NUP43: variants seen among roughly 807,000 people sequenced by gnomAD.
NUP43 encodes nucleoporin 43, also known as nucleoporin Nup43.
In NUP43, 32 loss-of-function variants were observed where a neutral mutation model predicts 47.3. The ratio of observed to expected loss-of-function variants is 0.68; its 90% CI spans 0.51 to 0.91. The LOEUF is 0.91. NUP43 is among the 40% of genes least tolerant of loss of function. The probability of loss-of-function intolerance (pLI) is 0.00; values close to 1 mark genes in which losing one functional copy is unlikely to be tolerated. For synonymous variants in NUP43, 147 were observed against 158.4 expected (o/e 0.93, Z 0.54); for missense variants, 444 against 453.9 (o/e 0.98, Z 0.20).
At chr6:149,731,858 G>T in intron 6 of NUP43, 123 bp from the exon 7 acceptor site, 2 of 991,936 alleles carry the variant, frequency 2.0e-6, no homozygotes, top group Non-Finnish European at 3.0e-6. Flanking sequence ...CCTCAAGTCT[G>T]TCCTAAAAAT....
intron 7 of NUP43, 96 bp from the exon 8 acceptor site, chr6:149,727,294 C>T: frequency 1.4e-6 from 2 of 1,470,230 alleles, no homozygotes; most frequent in East Asian, 2.5e-5. Flanking sequence ...GTGATGATAT[C>T]AATGTGTTTA....
At position 149,726,665 on chromosome 6, in the gene NUP43, A is replaced by T. The variant is rs1378713734; in HGVS notation, c.*304T>A. 2.8e-6 allele frequency: 1 copy of T among 355,822 alleles called. No individual in the cohort carries two copies. Among genetic ancestry groups the T allele is most frequent in the African/African-American group, 2.1e-5 (1 of 48,362 alleles). The allele number at this position is 355,822 out of a possible 1,614,324, so 22.0% of individuals were successfully genotyped here. A position where few individuals can be genotyped will look rare whatever the true frequency, so the allele number is the denominator to read the frequency against. On this transcript the variant is annotated 3_prime_UTR_variant, in exon 8 of 8. Coordinates refer to ENST00000340413, the MANE Select transcript of NUP43 (RefSeq NM_198887.3). ...TGTTAATTCCCACAACATCAAAAAT[A>T]AAGAATTAGTTCCACAAGCTGTCTG...
Position 149,726,509 on chromosome 6 carries a change from T to C in NUP43, c.*460A>G, listed in dbSNP as rs1265963988. ...ATTAAGGAAATAAAGTGTGGAAGGA[T>C]CATAGGAAATACTTGCAATAAAAAG... On this transcript the variant is annotated 3_prime_UTR_variant, in exon 8 of 8. Transcript: ENST00000340413. 6.0e-6 allele frequency: 1 copy of C among 167,570 alleles called. No individual in the cohort carries two copies. The highest frequency in any genetic ancestry group is 1.3e-5 in the Non-Finnish European group (1 of 76,570). The allele number at this position is 167,570 out of a possible 1,614,324, so 10.4% of individuals were successfully genotyped here. A position where few individuals can be genotyped will look rare whatever the true frequency, so the allele number is the denominator to read the frequency against.
In NUP43 at chr6:149,727,205, GA is replaced by G. The variant is rs761615841; in HGVS notation, c.914-8del. The G allele has an allele frequency of 5.0e-6, 8 of 1,602,732 alleles. No homozygotes were observed. Among genetic ancestry groups the G allele is most frequent in the African/African-American group, 4.1e-5 (3 of 74,042 alleles). On this transcript the variant is annotated splice_region_variant and splice_polypyrimidine_tract_variant and intron_variant, in intron 7 of 7. Coordinates refer to ENST00000340413, the MANE Select transcript of NUP43 (RefSeq NM_198887.3). ...AAAGTACTGCTTCTTCCTCCTGGGA[GA>G]AAAAAAGAAAAGGAAGAAATCTTTC...
At chr6:149,733,749 A>C (rs914820041) in intron 6 of NUP43, among the ~76,000 whole-genome samples, 1 of 151,964 alleles carries the variant, frequency 6.6e-6, no homozygotes, top group Non-Finnish European at 1.5e-5. Flanking sequence ...CCCAGCCCCA[A>C]AGAAATTCTA....
chr6:149,742,581 G>A lies in NUP43; in HGVS notation c.322-11C>T. 6.2e-7 allele frequency: 1 copy of A among 1,609,478 alleles called. No individual in the cohort carries two copies. ...GTTGACTGACAGAGTCTAGGCATCAGAAATGAGGATACTATTAAAGCAAAG... is the reference window on the plus strand; with the variant it reads ...GTTGACTGACAGAGTCTAGGCATCAAAAATGAGGATACTATTAAAGCAAAG... On this transcript the variant is annotated splice_polypyrimidine_tract_variant and intron_variant, in intron 3 of 7. Coordinates refer to ENST00000340413, the MANE Select transcript of NUP43 (RefSeq NM_198887.3).
intron 3 of NUP43, among the ~76,000 whole-genome samples, chr6:149,743,369 G>A (rs997088567): frequency 2.0e-5 from 3 of 152,086 alleles, no homozygotes; most frequent in Non-Finnish European, 4.4e-5. Flanking sequence ...GGAGGCCGAA[G>A]AGGGCTGATC....
At chr6:149,732,003 G>T (rs1049678615) in intron 6 of NUP43, among the ~76,000 whole-genome samples, 1 of 151,988 alleles carries the variant, frequency 6.6e-6, no homozygotes. Flanking sequence ...GCAACATGGT[G>T]AAACACCATC....
Position 149,743,706 on chromosome 6 carries a change from G to C in NUP43, c.253C>G (p.Gln85Glu), listed in dbSNP as rs1785801000. 1.9e-6 allele frequency: 3 copies of C among 1,605,916 alleles called. No homozygotes were observed. The highest frequency in any genetic ancestry group is 1.7e-6 in the Non-Finnish European group (2 of 1,175,014). Residue 85 changes from glutamine to glutamate, a missense_variant, in exon 3 of 8, where the codon CAG (glutamine) becomes GAG (glutamate). Coordinates refer to ENST00000340413, the MANE Select transcript of NUP43 (RefSeq NM_198887.3). ...GDVMDLQFFDQERIVAASSTG... is the reference protein window; with the variant it reads ...GDVMDLQFFDEERIVAASSTG... ...GATGAAGCAGCGACAATTCTTTCCT[G>C]GTCAAAAAACTAAAGAGAAAATTTC...
At chr6:149,744,922 A>ATTT (rs61049376) in intron 2 of NUP43, among the ~76,000 whole-genome samples, 2,301 of 148,362 alleles carry the variant, frequency 0.016, 34 homozygotes, top group African/African-American at 0.041. Flanking sequence ...TATTATTATT[A>ATTT]TTTTTTGAGA....
At chr6:149,740,275 CA>C (rs766447484) in intron 4 of NUP43, among the ~76,000 whole-genome samples, 36 of 22,442 alleles carry the variant, frequency 1.6e-3, no homozygotes, top group East Asian at 3.7e-3. Flanking sequence ...GACCCTGTCT[CA>C]AAAAAAAAAA....
Position 149,726,763 on chromosome 6 carries a change from C to G in NUP43, c.*206G>C, listed in dbSNP as rs55858240. ...TGATTTTCTTCCACATGTTCACAAT[C>G]TTTTGCCATCAGTCATCTATCGGAT... is the stretch of plus-strand genomic sequence containing the variant. On this transcript the variant is annotated 3_prime_UTR_variant, in exon 8 of 8. Transcript: ENST00000340413. 32,395 of 566,672 alleles carry G rather than the reference C, an allele frequency of 0.057. 1,174 individuals carry two copies. The highest frequency in any genetic ancestry group is 0.075 in the Non-Finnish European group (23,822 of 316,848). The allele number at this position is 566,672 out of a possible 1,614,324, so 35.1% of individuals were successfully genotyped here.
chr6:149,731,543 A>G (rs1041911588), intron 7 of NUP43, 70 bp downstream of exon 7: 27 of 1,395,208 alleles, frequency 1.9e-5, no homozygotes, highest in Non-Finnish European at 2.4e-5. Flanking sequence ...AGCCTGGGTG[A>G]TAGAGTGAGA....
At chr6:149,741,514 C>CT (rs113680189) in intron 4 of NUP43, among the ~76,000 whole-genome samples, 59 of 146,246 alleles carry the variant, frequency 4.0e-4, no homozygotes, top group Middle Eastern at 3.5e-3. Flanking sequence ...ATTGTGTTTA[C>CT]TTTTTTTTTT....
At chr6:149,746,870 C>T (rs116159837), upstream of NUP43, among the ~76,000 whole-genome samples, 1 of 152,200 alleles carries the variant, frequency 6.6e-6, no homozygotes, top group South Asian at 2.1e-4. Flanking sequence ...CAGGTCACTG[C>T]GCATAGAAAA....
intron 2 of NUP43, among the ~76,000 whole-genome samples, chr6:149,744,259 C>T (rs1785838151): frequency 6.6e-6 from 1 of 152,162 alleles, no homozygotes; most frequent in South Asian, 2.1e-4. Context: ...GGCACGGTGG[C>T]TGACGCCTGT....
At chr6:149,744,301 G>A (rs143222055) in intron 2 of NUP43, among the ~76,000 whole-genome samples, 6,542 of 152,100 alleles carry the variant, frequency 0.043, 212 homozygotes, top group Admixed American at 0.096. Flanking sequence ...TGAGGCAAGC[G>A]GATCACGAGG....
At chr6:149,729,521 A>G (rs904136237) in intron 7 of NUP43, 2 of 984,686 alleles carry the variant, frequency 2.0e-6, no homozygotes, top group Admixed American at 6.2e-5. Flanking sequence ...CTTTTCTCCT[A>G]ATTCAGAACA....
At chr6:149,731,129 T>C (rs1040749233) in intron 7 of NUP43, among the ~76,000 whole-genome samples, 1 of 147,606 alleles carries the variant, frequency 6.8e-6, no homozygotes, top group Middle Eastern at 3.5e-3. Flanking sequence ...AATTAGCCAG[T>C]TGTGGTGGCA....
Sources: gnomAD v4.1 joint callset for allele counts (sites outside exome capture counted in the v4.1 genomes callset) on GRCh38, gnomAD v4.1.1 for gene constraint, MANE v1.5 for transcripts, NCBI Gene and HGNC (gene_info 2026-07-23, HGNC 2026-07-21) for gene names.